ANLN: variants seen among roughly 807,000 people sequenced by gnomAD.
The protein encoded by ANLN is anillin, actin binding protein.
Under a neutral mutation model 135.1 loss-of-function variants are expected in ANLN, and 59 were observed. The ratio of observed to expected loss-of-function variants is 0.44; its 90% confidence interval spans 0.35 to 0.54. The LOEUF is 0.54. ANLN is among the 20% of genes least tolerant of loss of function. ANLN has a pLI of 0.00. For missense variants in ANLN, 1,182 were observed against 1,340.0 expected, an observed-to-expected ratio of 0.88 and a Z score of 1.84; for synonymous variants, 406 against 456.4, an observed-to-expected ratio of 0.89 and a Z score of 1.41.
intron 3 of ANLN, 68 bp downstream of exon 3, chr7:36,399,461 A>G (rs1259179002): frequency 1.5e-6 from 2 of 1,325,874 alleles, no homozygotes; most frequent in Non-Finnish European, 1.0e-6. Context: ...TATGTTGAAC[A>G]TTTTATCAGT....
At chr7:36,398,979 G>A (rs1314742911) in intron 2 of ANLN, 100 bp from the exon 3 acceptor site, 3 of 874,938 alleles carry the variant, frequency 3.4e-6, no homozygotes, top group Non-Finnish European at 3.5e-6. Flanking sequence ...AAAAGAATAG[G>A]GAGGGGTGAT....
Position 36,422,799 on chromosome 7 carries a change from T to G in ANLN, c.2466T>G (p.Val822=), listed in dbSNP as rs532609606. 6.2e-7 allele frequency: 1 copy of G among 1,600,806 alleles called. No homozygotes were observed. The highest frequency in any genetic ancestry group is 2.2e-5 in the East Asian group (1 of 44,778). Residue 822 remains valine (V), a synonymous_variant, in exon 14 of 24, where the codon GTT becomes GTG. Coordinates refer to ENST00000265748, the MANE Select transcript of ANLN (RefSeq NM_018685.5). ...AAGCAGATTTTGTCTGCAGTACGGTTCAGAAACCAGGTATGGTGGTGATTT... is the reference window on the plus strand; with the variant it reads ...AAGCAGATTTTGTCTGCAGTACGGTGCAGAAACCAGGTATGGTGGTGATTT... ...PLKADFVCST[V]QKPDAANYYY...
intron 16 of ANLN, 40 bp from the exon 17 acceptor site, chr7:36,424,646 A>G (rs1788006930): frequency 1.2e-6 from 2 of 1,604,136 alleles, no homozygotes; most frequent in African/African-American, 1.3e-5. Context: ...TCTTAACAAT[A>G]TCAGATTATA....
At chr7:36,445,061 T>C (rs1405652439) in intron 22 of ANLN, among the ~76,000 whole-genome samples, 1 of 151,904 alleles carries the variant, frequency 6.6e-6, no homozygotes, top group East Asian at 1.9e-4. Context: ...ACCCTAAAAT[T>C]GTTTATTGTT....
intron 10 of ANLN, 36 bp downstream of exon 10, chr7:36,419,515 A>G (rs1351485357): frequency 6.5e-7 from 1 of 1,532,812 alleles, no homozygotes; most frequent in Admixed American, 1.7e-5. Context: ...CCAGGACATA[A>G]GTAAACTAAG....
chr7:36,389,905 G>GT lies in ANLN; in HGVS notation c.-122_-121insT. On this transcript the variant is annotated 5_prime_UTR_variant, in exon 1 of 24. Coordinates refer to ENST00000265748, the MANE Select transcript of ANLN (RefSeq NM_018685.5). ...CGAGAGGAGAGGACAGCTGGTTGTG[G>GT]GAGAGTTCCCCCGCCTCAGACTCCT... 1.9e-6 allele frequency: 3 copies of GT among 1,570,574 alleles called. No homozygotes were observed. In the South Asian group the frequency reaches 3.3e-5, roughly 18 times the overall value.
Position 36,410,612 on chromosome 7 carries a change from A to C in ANLN, c.1195A>C (p.Ile399Leu). 1 of 1,614,196 alleles carries C rather than the reference A, an allele frequency of 6.2e-7. No individual in the cohort carries two copies. Among genetic ancestry groups the C allele is most frequent in the Non-Finnish European group, 8.5e-7 (1 of 1,180,034 alleles). ...TCGTAGCACACCCCACAGAACCCCC[A>C]TTATTACTCCAAATACAAAGGCCAT... ...PARSTPHRTPIITPNTKAIQE... is the reference protein window; with the variant it reads ...PARSTPHRTPLITPNTKAIQE... The change falls in exon 6 of 24, where the codon ATT becomes CTT. Residue 399 changes from isoleucine (I) to leucine (L), a missense_variant. Physicochemically the swap from Ile to Leu is conservative, Grantham distance 5. Around this residue, in one of 3 missense-constraint regions of ANLN, gnomAD observed 1,022 missense variants for 1,134.0 expected, o/e 0.90. Coordinates refer to ENST00000265748, the MANE Select transcript of ANLN (RefSeq NM_018685.5).
At chr7:36,420,403 T>C in intron 11 of ANLN, 89 bp downstream of exon 11, 1 of 1,477,312 alleles carries the variant, frequency 6.8e-7, no homozygotes, top group African/African-American at 1.4e-5. Context: ...TATAATGTTA[T>C]TAATAACTCA....
At chr7:36,409,168 G>A (rs10242474) in intron 5 of ANLN, among the ~76,000 whole-genome samples, 59,460 of 151,964 alleles carry the variant, frequency 0.39, 11,894 homozygotes, top group East Asian at 0.59. Context: ...TTAGATAAGA[G>A]GCATTCTTTT....
At position 36,413,961 on chromosome 7, in the gene ANLN, T is replaced by C. The variant is rs1787533315; in HGVS notation, c.1396-1797T>C. ...GTGAGCCGAGATCGCACCACTGCAC[T>C]CCAGTCTGGGCAATGGAGTGAGACT... On this transcript the variant is annotated intron_variant, in intron 7 of 23. Transcript: ENST00000265748. Among the ~76,000 whole-genome samples the C allele has an allele frequency of 2.6e-5, 4 of 151,258 alleles. No homozygotes were observed. In the South Asian group the frequency reaches 8.3e-4, roughly 32 times the overall value.
chr7:36,420,193 G>A lies in ANLN; in HGVS notation c.1894G>A (p.Glu632Lys), dbSNP rs1787815333. ...PESLVSTPRLELKDTSRSDES... is the reference protein window; with the variant it reads ...PESLVSTPRLKLKDTSRSDES... ...GAGTTTAGTGTCCACACCTAGACTG[G>A]AATTGAAAGACACCAGCAGAAGTGA... is the stretch of plus-strand genomic sequence containing the variant. The change falls in exon 11 of 24, where the codon GAA becomes AAA. Residue 632 changes from glutamate (E) to lysine (K), a missense_variant. Coordinates refer to ENST00000265748, the MANE Select transcript of ANLN (RefSeq NM_018685.5). The A allele has an allele frequency of 3.7e-6, 6 of 1,613,956 alleles. No homozygotes were observed. Among genetic ancestry groups the A allele is most frequent in the African/African-American group, 1.3e-5 (1 of 75,008 alleles).
chr7:36,435,395 G>C (rs573836433), intron 20 of ANLN, among the ~76,000 whole-genome samples: 7 of 149,608 alleles, frequency 4.7e-5, no homozygotes, highest in Non-Finnish European at 8.9e-5. Flanking sequence ...TGGGGGGGGG[G>C]TCTCAGTATG....
intron 8 of ANLN, 98 bp downstream of exon 8, chr7:36,415,982 C>G: frequency 8.8e-7 from 1 of 1,133,434 alleles, no homozygotes; most frequent in East Asian, 2.6e-5. Flanking sequence ...TTTGTTTGTT[C>G]TAACGTTTTT....
intron 9 of ANLN, among the ~76,000 whole-genome samples, chr7:36,418,028 C>T (rs1359669322): frequency 1.3e-5 from 2 of 152,112 alleles, no homozygotes; most frequent in Non-Finnish European, 2.9e-5. Context: ...TCTGTGACCC[C>T]CTCTTTAGCT....
intron 22 of ANLN, among the ~76,000 whole-genome samples, chr7:36,444,574 A>G (rs1788914497): frequency 6.6e-6 from 1 of 152,162 alleles, no homozygotes; most frequent in African/African-American, 2.4e-5. Flanking sequence ...AAATTTAATA[A>G]TAGGATTTTG....
chr7:36,396,349 G>C lies in ANLN; in HGVS notation c.102G>C (p.Met34Ile). 1 of 1,609,512 alleles carries C rather than the reference G, an allele frequency of 6.2e-7. No individual in the cohort carries two copies. The highest frequency in any genetic ancestry group is 1.1e-5 in the South Asian group (1 of 90,698). Residue 34 changes from methionine (M) to isoleucine (I), a missense_variant, in exon 2 of 24, where the codon ATG (methionine) becomes ATC (isoleucine). By Grantham distance (10) the Met-to-Ile change is conservative (BLOSUM62 1). Around this residue, in one of 3 missense-constraint regions of ANLN, gnomAD observed 1,022 missense variants for 1,134.0 expected, o/e 0.90. Transcript: ENST00000265748. ...GGCCCACAGCAGCTCCAAGGTCTAT[G>C]ACTCATGCTAAGCGAGCTAGACAGC... The part of the protein sequence containing the change: ...AERPTAAPRS[M>I]THAKRARQPL...
At chr7:36,410,830 A>C in intron 6 of ANLN, 126 bp downstream of exon 6, 2 of 1,057,604 alleles carry the variant, frequency 1.9e-6, no homozygotes, top group Non-Finnish European at 2.7e-6. Flanking sequence ...TGTATCACTA[A>C]TTTCAGACAA....
chr7:36,417,661 C>T (rs1034395410), intron 9 of ANLN, among the ~76,000 whole-genome samples: 1 of 150,424 alleles, frequency 6.6e-6, no homozygotes, highest in African/African-American at 2.4e-5. Flanking sequence ...CAAGTCCAGG[C>T]CTCTCAAACT....
intron 7 of ANLN, 55 bp from the exon 8 acceptor site, chr7:36,415,703 A>C (rs1787609598): frequency 6.7e-7 from 1 of 1,487,220 alleles, no homozygotes; most frequent in South Asian, 1.4e-5. Flanking sequence ...TAACATAGAA[A>C]GATAAAATAT....
Sources: allele counts gnomAD v4.1 joint callset (sites outside exome capture counted in the v4.1 genomes callset), GRCh38; gene constraint gnomAD v4.1.1; regional missense constraint gnomAD v4.1.1; transcripts MANE v1.5; gene names NCBI Gene and HGNC (gene_info 2026-07-23, HGNC 2026-07-21).